VGLL4: variants seen among roughly 807,000 people sequenced by gnomAD.
VGLL4 encodes transcription cofactor vestigial-like protein 4.
Under a neutral mutation model 21.0 loss-of-function variants are expected in VGLL4, and 7 were observed. The observed-to-expected ratio is 0.33, with a 90% confidence interval of 0.19 to 0.63. The LOEUF (loss-of-function observed/expected upper bound fraction) is 0.63. Ranked by LOEUF, VGLL4 falls within the 20% of genes least tolerant of loss-of-function variation. VGLL4 has a pLI of 0.78. For synonymous variants in VGLL4, 222 were observed against 173.2 expected (o/e 1.28, Z -2.21); for missense variants, 394 against 425.7 (o/e 0.93, Z 0.66).
chr3:11,718,951 G>A lies in VGLL4; in HGVS notation c.-14+1443C>T, dbSNP rs375018319. ...ACATAAATACGAATAGCCCCAGCAA[G>A]CACTGTCTTCATAACCTAAGACAGT... On this transcript the variant is annotated intron_variant, in intron 1 of 5. Transcript: ENST00000273038. Among the ~76,000 whole-genome samples, 13 of 152,324 alleles carry A rather than the reference G, an allele frequency of 8.5e-5. No individual in the cohort carries two copies. The East Asian group carries it at 1.7e-3, about 20-fold the overall frequency.
At chr3:11,567,503 AG>A (rs912755040) in intron 2 of VGLL4, among the ~76,000 whole-genome samples, 1 of 152,246 alleles carries the variant, frequency 6.6e-6, no homozygotes, top group African/African-American at 2.4e-5. Flanking sequence ...TCTAGATAGT[AG>A]GTTCCATCCA....
intron 1 of VGLL4, among the ~76,000 whole-genome samples, chr3:11,630,727 AT>A: frequency 6.6e-6 from 1 of 152,354 alleles, no homozygotes; most frequent in East Asian, 1.9e-4. Flanking sequence ...GTAAGATGCT[AT>A]AACCACTTTG....
chr3:11,615,122 T>C (rs1031977353), intron 1 of VGLL4, among the ~76,000 whole-genome samples: 2 of 152,168 alleles, frequency 1.3e-5, no homozygotes, highest in Admixed American at 1.3e-4. Context: ...AGAGCCACAA[T>C]ACCATTATCA....
intron 2 of VGLL4, among the ~76,000 whole-genome samples, chr3:11,576,977 C>G (rs943130892): frequency 6.6e-6 from 1 of 152,216 alleles, no homozygotes; most frequent in Non-Finnish European, 1.5e-5. Context: ...GCCTGGCACA[C>G]AACTATTTTA....
At chr3:11,713,029 C>T (rs1194736151) in intron 1 of VGLL4, among the ~76,000 whole-genome samples, 6 of 152,074 alleles carry the variant, frequency 3.9e-5, no homozygotes, top group Non-Finnish European at 2.9e-5. Context: ...CAAGACATAG[C>T]GATTTCTGGG....
At chr3:11,589,609 T>C (rs2074437381) in intron 2 of VGLL4, among the ~76,000 whole-genome samples, 1 of 152,260 alleles carries the variant, frequency 6.6e-6, no homozygotes, top group Admixed American at 6.5e-5. Flanking sequence ...TGAAGGATTC[T>C]GTCTTAGCTT....
rs181487825 is a variant in VGLL4 at position 11,708,394 on chromosome 3, A to G, written c.-13-5347T>C. Among the ~76,000 whole-genome samples the G allele has an allele frequency of 2.3e-3, 350 of 152,310 alleles. 3 individuals carry two copies. The highest frequency in any genetic ancestry group is 7.9e-3 in the African/African-American group (330 of 41,562). Reference sequence around the variant, plus strand: ...CCCAGAAAGAGCAGGGAGGGTGGGAAAAGGTGGGAGACAGCAGCACATGCT... The same window carrying G: ...CCCAGAAAGAGCAGGGAGGGTGGGAGAAGGTGGGAGACAGCAGCACATGCT... On this transcript the variant is annotated intron_variant, in intron 1 of 5. Transcript: ENST00000273038.
chr3:11,577,483 C>T (rs1401673478), intron 2 of VGLL4, among the ~76,000 whole-genome samples: 1 of 152,054 alleles, frequency 6.6e-6, no homozygotes, highest in Non-Finnish European at 1.5e-5. Context: ...GTCCCAGCTA[C>T]TCGGGAGGCT....
intron 2 of VGLL4, among the ~76,000 whole-genome samples, chr3:11,584,178 A>C (rs907360875): frequency 2.0e-5 from 3 of 152,274 alleles, no homozygotes; most frequent in Non-Finnish European, 4.4e-5. Context: ...CATTTGACAG[A>C]GCATCCTTAA....
intron 1 of VGLL4, among the ~76,000 whole-genome samples, chr3:11,613,526 G>A (rs2075102939): frequency 6.6e-6 from 1 of 152,186 alleles, no homozygotes; most frequent in Admixed American, 6.5e-5. Context: ...GCTCTTCTCT[G>A]TAATACCTCG....
Position 11,559,355 on chromosome 3 carries a change from G to C in VGLL4, c.596C>G (p.Ala199Gly), listed in dbSNP as rs745461820. 2.7e-5 allele frequency: 42 copies of C among 1,549,152 alleles called. No individual in the cohort carries two copies. In the Middle Eastern group the frequency reaches 5.7e-4, roughly 21 times the overall value. The change falls in exon 4 of 5, where the codon GCC becomes GGC. Residue 199 changes from alanine (A) to glycine (G), a missense_variant. Coordinates refer to ENST00000430365, the MANE Select transcript of VGLL4 (RefSeq NM_001128219.3). ...ACCGCTCGGTGGCCTCCGGTAGCTGGCAGGCCCGGGCGCGGCACAGCCGCT... is the reference window on the plus strand; with the variant it reads ...ACCGCTCGGTGGCCTCCGGTAGCTGCCAGGCCCGGGCGCGGCACAGCCGCT... Reference protein sequence around the residue: ...AHSGCAAPGPASYRRPPSAAT... With the variant: ...AHSGCAAPGPGSYRRPPSAAT...
At position 11,717,490 on chromosome 3, in the gene VGLL4, A is replaced by ATTTTTTTT. The variant is rs60921966; in HGVS notation, c.-14+2896_-14+2903dup. ...AGTTAAGAGGAATTTCCCACTACAG[A>ATTTTTTTT]TTTTTTTTTTTTTTTTTTTTTTTTG... is the stretch of plus-strand genomic sequence containing the variant. On this transcript the variant is annotated intron_variant, in intron 1 of 5. Coordinates refer to the VGLL4 transcript ENST00000273038. Among the ~76,000 whole-genome samples the ATTTTTTTT allele has an allele frequency of 7.4e-3, 538 of 72,932 alleles. 46 individuals are homozygous for ATTTTTTTT. Among genetic ancestry groups the ATTTTTTTT allele is most frequent in the African/African-American group, 0.025 (391 of 15,376 alleles). 47.8% of individuals were successfully genotyped at this position (72,932 alleles called of 152,430 possible). A position where few individuals can be genotyped will look rare whatever the true frequency, so the allele number is the denominator to read the frequency against.
chr3:11,601,856 C>T lies in VGLL4; in HGVS notation c.249G>A (p.Met83Ile). 1.2e-6 allele frequency: 2 copies of T among 1,613,748 alleles called. No individual in the cohort carries two copies. The highest frequency in any genetic ancestry group is 1.7e-6 in the Non-Finnish European group (2 of 1,179,850). ...LDCDNDHVSK[M>I]SRIFNPHLNK... The stretch of plus-strand genomic sequence containing the variant: ...ACAGATGGGGGTTGAAGATGCGACT[C>T]ATTTTGGAGACGTGGTCGTTGTCAC... The change falls in exon 2 of 5, where the codon ATG becomes ATA. Residue 83 changes from methionine (M) to isoleucine (I), a missense_variant. Transcript: ENST00000430365.
At chr3:11,697,442 T>C (rs1456210759) in intron 2 of VGLL4, among the ~76,000 whole-genome samples, 1 of 152,008 alleles carries the variant, frequency 6.6e-6, no homozygotes, top group African/African-American at 2.4e-5. Context: ...CAGTCAACCA[T>C]ATTCAAAAGC....
chr3:11,638,035 A>G (rs11128564), intron 1 of VGLL4, among the ~76,000 whole-genome samples: 32,172 of 152,142 alleles, frequency 0.21, 3,899 homozygotes, highest in South Asian at 0.35. Context: ...GACTGTTTTT[A>G]TATATTTGTG....
At chr3:11,600,127 T>A (rs1190162609) in intron 2 of VGLL4, among the ~76,000 whole-genome samples, 3 of 152,192 alleles carry the variant, frequency 2.0e-5, no homozygotes, top group Non-Finnish European at 4.4e-5. Context: ...AACAAAGTGC[T>A]ATACCATGCC....
intron 2 of VGLL4, among the ~76,000 whole-genome samples, chr3:11,567,370 C>T (rs926406191): frequency 1.4e-4 from 22 of 152,040 alleles, no homozygotes; most frequent in African/African-American, 5.3e-4. Context: ...ACCCAGTATT[C>T]GTTTATGGGG....
At chr3:11,716,131 G>A (rs1487010229) in intron 1 of VGLL4, among the ~76,000 whole-genome samples, 2 of 151,714 alleles carry the variant, frequency 1.3e-5, no homozygotes, top group African/African-American at 2.4e-5. Context: ...GTGAAGCCCC[G>A]TATCTACTAA....
At chr3:11,620,584 T>A (rs3856801) in intron 1 of VGLL4, among the ~76,000 whole-genome samples, 16,111 of 152,196 alleles carry the variant, frequency 0.11, 1,101 homozygotes, top group East Asian at 0.25. Flanking sequence ...TCCTTCTCTA[T>A]GGAAATTCCA....
Sources: gnomAD v4.1 joint callset for allele counts (sites outside exome capture counted in the v4.1 genomes callset) on GRCh38, gnomAD v4.1.1 for gene constraint, MANE v1.5 for transcripts, NCBI Gene and HGNC (gene_info 2026-07-23, HGNC 2026-07-21) for gene names.